Variants in AKAP9 observed in about 807,000 individuals in gnomAD.
The protein encoded by AKAP9 is A-kinase anchoring protein 9, also known as A-kinase anchor protein 9.
A neutral mutation model predicts 488.5 loss-of-function variants in AKAP9; 311 were observed. The ratio of observed to expected loss-of-function variants is 0.64; its 90% confidence interval spans 0.58 to 0.70. The LOEUF is 0.70. Among genes scored for constraint, AKAP9 ranks in the 30% least tolerant of loss-of-function variants. The pLI is 0.00. For synonymous variants in AKAP9, 1,462 were observed against 1,483.5 expected (o/e 0.99, Z 0.33); for missense variants, 4,215 against 4,374.5 (o/e 0.96, Z 1.03).
intron 23 of AKAP9, 114 bp from the exon 24 acceptor site, chr7:92,062,160 G>C: frequency 1.1e-6 from 1 of 917,468 alleles, no homozygotes; most frequent in South Asian, 1.5e-5. Context: ...CTTTTAATAG[G>C]TTGGAATGAT....
rs116360967 is a variant in AKAP9, at chr7:91,969,564, C to G, written c.49-4147C>G. ...ATCTCTCCCTTTAGATCTATTAATA[C>G]TTGCTTTTTATACTTGGGGCTCTGG... On this transcript the variant is annotated intron_variant, in intron 1 of 49. Coordinates refer to ENST00000356239, the MANE Select transcript of AKAP9 (RefSeq NM_005751.5). 9.8e-3 allele frequency among the ~76,000 whole-genome samples: 1,485 copies of G among 152,176 alleles called. 33 individuals carry two copies. Among genetic ancestry groups the G allele is most frequent in the African/African-American group, 0.034 (1,415 of 41,514 alleles).
At chr7:91,985,806 T>C (rs1264863900) in intron 3 of AKAP9, among the ~76,000 whole-genome samples, 2 of 152,034 alleles carry the variant, frequency 1.3e-5, no homozygotes, top group Non-Finnish European at 2.9e-5. Context: ...TGCCACCATA[T>C]CTGGCTAATT....
At chr7:92,070,241 T>C in intron 27 of AKAP9, 35 bp downstream of exon 27, 2 of 1,604,488 alleles carry the variant, frequency 1.2e-6, no homozygotes, top group Non-Finnish European at 1.7e-6. Flanking sequence ...TTAATAAGTG[T>C]TTTAATGAAG....
intron 1 of AKAP9, among the ~76,000 whole-genome samples, chr7:91,967,413 C>T (rs2130537961): frequency 6.6e-6 from 1 of 152,220 alleles, no homozygotes; most frequent in South Asian, 2.1e-4. Flanking sequence ...TAATTTTTCC[C>T]TATTCAGTGT....
At chr7:92,041,084 T>C (rs1806031602) in intron 18 of AKAP9, 186 bp downstream of exon 18, 1 of 560,792 alleles carries the variant, frequency 1.8e-6, no homozygotes, top group South Asian at 2.6e-5. Flanking sequence ...AGACAGCAGC[T>C]TTAGATCTTG....
intron 47 of AKAP9, 56 bp from the exon 48 acceptor site, chr7:92,107,237 T>G (rs888913810): frequency 1.9e-6 from 3 of 1,588,052 alleles, no homozygotes; most frequent in Non-Finnish European, 2.6e-6. Context: ...TGTAGAAATT[T>G]TTTAAGGTCT....
chr7:91,975,026 A>G (rs1249635660), intron 2 of AKAP9, among the ~76,000 whole-genome samples: 1 of 151,866 alleles, frequency 6.6e-6, no homozygotes, highest in Non-Finnish European at 1.5e-5. Flanking sequence ...AATGTTTTGT[A>G]TTTTTGGTAG....
chr7:92,034,280 G>A (rs932818456), intron 16 of AKAP9, among the ~76,000 whole-genome samples: 3 of 152,038 alleles, frequency 2.0e-5, no homozygotes, highest in Non-Finnish European at 2.9e-5. Context: ...TTGCCCAGCT[G>A]CTACCTCTGG....
chr7:91,940,915 G>C lies in AKAP9; in HGVS notation c.-185G>C. 1.5e-6 allele frequency: 1 copy of C among 660,312 alleles called. No individual in the cohort carries two copies. Among genetic ancestry groups the C allele is most frequent in the Non-Finnish European group, 2.7e-6 (1 of 371,592 alleles). 40.9% of individuals were successfully genotyped at this position (660,312 alleles called of 1,614,324 possible). On this transcript the variant is annotated 5_prime_UTR_variant, in exon 1 of 50. Transcript: ENST00000356239. ...GGCGGCGGCGGTGACGGCGCTTCCC[G>C]TGCGGCTGAGGACGATCCGCCAGTG...
Position 92,083,435 on chromosome 7 carries a change from A to G in AKAP9, c.8426A>G (p.Gln2809Arg). 1 of 1,614,110 alleles carries G rather than the reference A, an allele frequency of 6.2e-7. No individual in the cohort carries two copies. The highest frequency in any genetic ancestry group is 8.5e-7 in the Non-Finnish European group (1 of 1,179,984). The stretch of plus-strand genomic sequence containing the variant: ...AATGCAGGAATACAAATTAATTTAC[A>G]GAGTGAATGTTCCTCAGAAGAAGTT... Reference protein sequence around the residue: ...VKNAGIQINLQSECSSEEVTE... With the variant: ...VKNAGIQINLRSECSSEEVTE... The change falls in exon 33 of 50, where the codon CAG becomes CGG. Residue 2809 changes from glutamine to arginine, a missense_variant. Coordinates refer to ENST00000356239, the MANE Select transcript of AKAP9 (RefSeq NM_005751.5).
intron 9 of AKAP9, 25 bp downstream of exon 9, chr7:92,012,667 T>G: frequency 1.3e-5 from 19 of 1,519,076 alleles, no homozygotes; most frequent in Non-Finnish European, 1.6e-5. Flanking sequence ...GACTTATAAG[T>G]ACCATGATCC....
At chr7:92,070,773 A>G (rs1811588229) in intron 27 of AKAP9, 132 bp from the exon 28 acceptor site, 2 of 672,716 alleles carry the variant, frequency 3.0e-6, no homozygotes, top group South Asian at 1.9e-5. Context: ...TAGACTTTCT[A>G]CTTCTAATTG....
intron 1 of AKAP9, among the ~76,000 whole-genome samples, chr7:91,951,316 T>C (rs988907782): frequency 6.6e-6 from 1 of 152,042 alleles, no homozygotes; most frequent in Non-Finnish European, 1.5e-5. Context: ...CTTTTATTTC[T>C]CTTTTTTTTC....
At chr7:92,104,002 G>A (rs1243841690) in intron 46 of AKAP9, among the ~76,000 whole-genome samples, 1 of 152,000 alleles carries the variant, frequency 6.6e-6, no homozygotes, top group African/African-American at 2.4e-5. Context: ...TTGACATGGA[G>A]CCAAGACTCA....
intron 8 of AKAP9, among the ~76,000 whole-genome samples, chr7:92,009,016 A>G (rs1160593328): frequency 1.3e-5 from 2 of 151,942 alleles, no homozygotes; most frequent in East Asian, 1.9e-4. Context: ...TGATCGGGAA[A>G]AAAAGACATA....
Position 91,994,783 on chromosome 7 carries a change from A to G in AKAP9, c.732+7A>G, listed in dbSNP as rs1584759720. On this transcript the variant is annotated splice_region_variant and intron_variant, in intron 6 of 49. Transcript: ENST00000356239. The stretch of plus-strand genomic sequence containing the variant: ...ACAGATTCAATTTCAGCAAGTAAGT[A>G]TTACTAATGCAACAAAATTCATTAT... 1 of 1,605,498 alleles carries G rather than the reference A, an allele frequency of 6.2e-7. No individual in the cohort carries two copies.
At chr7:91,991,229 T>C (rs1797706155) in intron 3 of AKAP9, among the ~76,000 whole-genome samples, 1 of 152,142 alleles carries the variant, frequency 6.6e-6, no homozygotes, top group Non-Finnish European at 1.5e-5. Context: ...CATTTCAGGA[T>C]CAAGAAAAGC....
At position 92,001,044 on chromosome 7, in the gene AKAP9, T is replaced by C. The variant is rs1799096001; in HGVS notation, c.1127T>C (p.Met376Thr). 6.3e-7 allele frequency: 1 copy of C among 1,597,728 alleles called. No individual in the cohort carries two copies. The highest frequency in any genetic ancestry group is 1.7e-5 in the Admixed American group (1 of 57,312). ...IVQKNQEIKN[M>T]KLELTNSKQK... The stretch of plus-strand genomic sequence containing the variant: ...CAAAAGAACCAAGAAATAAAAAACA[T>C]GAAATTAGAGCTGACTAATTCTAAG... Residue 376 changes from methionine (M) to threonine (T), a missense_variant, in exon 8 of 50, where the codon ATG becomes ACG. Transcript: ENST00000356239.
intron 7 of AKAP9, among the ~76,000 whole-genome samples, chr7:91,996,806 T>C (rs1426809860): frequency 3.3e-5 from 5 of 152,196 alleles, no homozygotes; most frequent in Admixed American, 2.0e-4. Flanking sequence ...AAGACAAGAA[T>C]ATTGCTTGGA....
Sources: allele counts gnomAD v4.1 joint callset (sites outside exome capture counted in the v4.1 genomes callset), GRCh38; gene constraint gnomAD v4.1.1; transcripts MANE v1.5; gene names NCBI Gene and HGNC (gene_info 2026-07-23, HGNC 2026-07-21).